Variants in ANKRD6 observed in about 807,000 individuals in gnomAD.
The protein encoded by ANKRD6 is ankyrin repeat domain-containing protein 6.
A neutral mutation model predicts 82.3 loss-of-function variants in ANKRD6; 56 were observed. The observed-to-expected ratio is 0.68, with a 90% CI of 0.55 to 0.85. ANKRD6 has a LOEUF of 0.85. Among genes scored for constraint, ANKRD6 ranks in the 40% least tolerant of loss-of-function variants. ANKRD6 has a pLI of 0.00. For missense variants in ANKRD6, 852 were observed against 907.6 expected (o/e 0.94, Z 0.79); for synonymous variants, 347 against 352.1 (o/e 0.99, Z 0.16).
rs1361816563 is a variant in ANKRD6, at chr6:89,619,417, C to G, written c.792+1386C>G. Among the ~76,000 whole-genome samples the G allele has an allele frequency of 4.6e-5, 7 of 152,284 alleles. 1 individual carries two copies. The highest frequency in any genetic ancestry group is 1.7e-4 in the African/African-American group (7 of 41,540). On this transcript the variant is annotated intron_variant, in intron 9 of 15. Coordinates refer to ENST00000339746, the MANE Select transcript of ANKRD6 (RefSeq NM_001242809.2). ...TCAGCCATACAAAGATCAAGTCTTA[C>G]AGGGTTGGAGGGTTCCCCAGGCATA...
chr6:89,439,000 ATATG>A, intron 1 of ANKRD6, among the ~76,000 whole-genome samples: 1 of 152,228 alleles, frequency 6.6e-6, no homozygotes, highest in South Asian at 2.1e-4. Context: ...GTGTTTGTAT[ATATG>A]TATATACACT....
At chr6:89,555,116 C>T (rs1786410130) in intron 1 of ANKRD6, among the ~76,000 whole-genome samples, 3 of 138,770 alleles carry the variant, frequency 2.2e-5, no homozygotes, top group Non-Finnish European at 3.1e-5. Context: ...TCCCCCGCCT[C>T]AGCGTTTTTT....
chr6:89,445,794 G>A (rs1772003625), intron 1 of ANKRD6, among the ~76,000 whole-genome samples: 1 of 151,608 alleles, frequency 6.6e-6, no homozygotes, highest in South Asian at 2.1e-4. Context: ...TGGCCAGGCT[G>A]GTCTCAAACT....
At chr6:89,605,007 A>T (rs965398626) in intron 4 of ANKRD6, among the ~76,000 whole-genome samples, 1 of 151,216 alleles carries the variant, frequency 6.6e-6, no homozygotes, top group African/African-American at 2.4e-5. Flanking sequence ...ACCCCACTCA[A>T]TTCATTGCAC....
At chr6:89,501,283 A>G (rs1328066453) in intron 1 of ANKRD6, among the ~76,000 whole-genome samples, 1 of 152,238 alleles carries the variant, frequency 6.6e-6, no homozygotes, top group Non-Finnish European at 1.5e-5. Flanking sequence ...TAAGGAACAC[A>G]TGCTTATGAA....
At chr6:89,440,923 A>G (rs1201257567) in intron 1 of ANKRD6, among the ~76,000 whole-genome samples, 2 of 152,126 alleles carry the variant, frequency 1.3e-5, no homozygotes, top group African/African-American at 2.4e-5. Context: ...TTCAACTGCT[A>G]TGGCAGAGTT....
intron 1 of ANKRD6, among the ~76,000 whole-genome samples, chr6:89,469,226 T>C (rs754238660): frequency 6.6e-6 from 1 of 152,236 alleles, no homozygotes; most frequent in Non-Finnish European, 1.5e-5. Context: ...AAATGTTTCA[T>C]GTTATATATA....
At chr6:89,437,884 C>A (rs1476683747) in intron 1 of ANKRD6, among the ~76,000 whole-genome samples, 1 of 152,166 alleles carries the variant, frequency 6.6e-6, no homozygotes, top group African/African-American at 2.4e-5. Context: ...ACCTCTGCCT[C>A]CTGGGCTCAA....
At chr6:89,544,245 T>C (rs1784766906) in intron 1 of ANKRD6, among the ~76,000 whole-genome samples, 1 of 146,992 alleles carries the variant, frequency 6.8e-6, no homozygotes, top group Non-Finnish European at 1.5e-5. Context: ...AGGCCATTGT[T>C]GTGCTCAGGC....
intron 2 of ANKRD6, among the ~76,000 whole-genome samples, chr6:89,577,644 C>T (rs1260081062): frequency 1.3e-5 from 2 of 152,044 alleles, no homozygotes; most frequent in Admixed American, 6.6e-5. Context: ...ATAGTGAGAC[C>T]CTGTCTTTAC....
At chr6:89,544,246 G>A (rs1784767249) in intron 1 of ANKRD6, among the ~76,000 whole-genome samples, 1 of 148,344 alleles carries the variant, frequency 6.7e-6, no homozygotes. Context: ...GGCCATTGTT[G>A]TGCTCAGGCC....
chr6:89,486,086 A>G (rs1009376303), intron 1 of ANKRD6, among the ~76,000 whole-genome samples: 3 of 152,224 alleles, frequency 2.0e-5, no homozygotes, highest in Non-Finnish European at 4.4e-5. Flanking sequence ...GTCATAATGT[A>G]TGATGTTTTA....
intron 1 of ANKRD6, among the ~76,000 whole-genome samples, chr6:89,436,200 G>A (rs978833948): frequency 6.6e-6 from 1 of 152,192 alleles, no homozygotes; most frequent in East Asian, 1.9e-4. Context: ...ATTACTAACC[G>A]TATGTGTGTG....
intron 1 of ANKRD6, chr6:89,483,658 C>T (rs527793228): frequency 2.0e-5 from 3 of 152,288 alleles, no homozygotes; most frequent in South Asian, 4.1e-4. Context: ...CTTTGGAATG[C>T]GCTCTTTTCT....
intron 1 of ANKRD6, among the ~76,000 whole-genome samples, chr6:89,503,794 C>T (rs1159328218): frequency 3.9e-5 from 6 of 152,146 alleles, no homozygotes; most frequent in African/African-American, 1.4e-4. Context: ...AGGGAGAAGC[C>T]TGTTTCACTA....
intron 7 of ANKRD6, 45 bp downstream of exon 7, chr6:89,613,935 A>G (rs746163676): frequency 6.3e-7 from 1 of 1,593,838 alleles, no homozygotes; most frequent in Non-Finnish European, 8.6e-7. Flanking sequence ...CCCTTCCCAC[A>G]AGGCTACCGG....
chr6:89,520,525 T>C (rs1490887542), intron 1 of ANKRD6, among the ~76,000 whole-genome samples: 2 of 152,202 alleles, frequency 1.3e-5, no homozygotes, highest in Non-Finnish European at 2.9e-5. Context: ...CTTTCAGTAG[T>C]TCACATCACT....
intron 1 of ANKRD6, among the ~76,000 whole-genome samples, chr6:89,435,630 C>T (rs894977133): frequency 1.3e-5 from 2 of 152,174 alleles, no homozygotes; most frequent in Admixed American, 6.5e-5. Context: ...CTCCCTGGCA[C>T]GGATCCCGAA....
intron 1 of ANKRD6, among the ~76,000 whole-genome samples, chr6:89,500,555 T>C (rs1779150857): frequency 6.6e-6 from 1 of 152,246 alleles, no homozygotes; most frequent in Non-Finnish European, 1.5e-5. Context: ...GAAAAAGTCC[T>C]GGCTGTATCA....
Sources: gnomAD v4.1 joint callset for allele counts (sites outside exome capture counted in the v4.1 genomes callset) on GRCh38, gnomAD v4.1.1 for gene constraint, MANE v1.5 for transcripts, NCBI Gene and HGNC (gene_info 2026-07-23, HGNC 2026-07-21) for gene names.